Variants in MAST4 observed in about 807,000 individuals in gnomAD.
MAST4 encodes microtubule-associated serine/threonine-protein kinase 4.
MAST4 carries 89 observed loss-of-function variants against 162.7 expected under a neutral mutation model. The observed-to-expected ratio is 0.55, with a 90% CI of 0.46 to 0.65. MAST4 has a LOEUF of 0.65. Among genes scored for constraint, MAST4 ranks in the 30% least tolerant of loss-of-function variants. The pLI, the probability that MAST4 is intolerant of heterozygous loss-of-function variation, is 0.00. For missense variants in MAST4, 3,153 were observed against 3,374.0 expected (o/e 0.93, Z 1.62); for synonymous variants, 1,479 against 1,361.1 (o/e 1.09, Z -1.91).
At chr5:66,729,820 A>G (rs572065277) in intron 1 of MAST4, among the ~76,000 whole-genome samples, 6 of 152,328 alleles carry the variant, frequency 3.9e-5, no homozygotes, top group Admixed American at 1.3e-4. Context: ...TAGGTAACAG[A>G]ACTTATTTAA....
intron 1 of MAST4, among the ~76,000 whole-genome samples, chr5:66,684,355 C>G (rs2149488178): frequency 2.2e-5 from 1 of 45,414 alleles, no homozygotes; most frequent in African/African-American, 2.7e-4. Flanking sequence ...TTTCTTCCAG[C>G]TATTTTTTTT....
intron 24 of MAST4, 63 bp downstream of exon 24, chr5:67,149,652 C>T: frequency 1.3e-6 from 2 of 1,506,500 alleles, no homozygotes; most frequent in Non-Finnish European, 1.8e-6. Flanking sequence ...CCCTCCTCTC[C>T]CAATTTGGAA....
chr5:66,754,392 A>G (rs927907412), intron 1 of MAST4, among the ~76,000 whole-genome samples: 1 of 152,260 alleles, frequency 6.6e-6, no homozygotes, highest in Non-Finnish European at 1.5e-5. Flanking sequence ...GTGGTTTGCC[A>G]TAACCTAAGG....
chr5:66,827,378 TG>T (rs1316666915), intron 3 of MAST4, among the ~76,000 whole-genome samples: 1 of 152,176 alleles, frequency 6.6e-6, no homozygotes, highest in Admixed American at 6.5e-5. Context: ...CCTTCTCTGC[TG>T]GGGTGGCATT....
At chr5:66,615,007 G>T (rs1477907513) in intron 1 of MAST4, among the ~76,000 whole-genome samples, 1 of 152,178 alleles carries the variant, frequency 6.6e-6, no homozygotes, top group Admixed American at 6.5e-5. Flanking sequence ...CAGGAACCAG[G>T]ACCCTTGTAA....
At chr5:66,958,121 T>TTGTG (rs144078491) in intron 4 of MAST4, among the ~76,000 whole-genome samples, 1 of 151,628 alleles carries the variant, frequency 6.6e-6, no homozygotes, top group Non-Finnish European at 1.5e-5. Flanking sequence ...CTCTCTCTCT[T>TTGTG]TGTGTGTGTG....
At chr5:66,952,662 CA>C (rs1245435120) in intron 4 of MAST4, among the ~76,000 whole-genome samples, 1 of 152,174 alleles carries the variant, frequency 6.6e-6, no homozygotes, top group African/African-American at 2.4e-5. Flanking sequence ...AAGATTTGTT[CA>C]ATGACTTCAT....
intron 14 of MAST4, among the ~76,000 whole-genome samples, chr5:67,122,794 T>C (rs773459595): frequency 5.6e-4 from 85 of 152,176 alleles, no homozygotes; most frequent in Non-Finnish European, 1.0e-3. Flanking sequence ...TAAACCACTG[T>C]ATAGTAGATG....
chr5:67,045,477 T>C (rs999987585), intron 4 of MAST4, among the ~76,000 whole-genome samples: 1 of 152,186 alleles, frequency 6.6e-6, no homozygotes, highest in Non-Finnish European at 1.5e-5. Context: ...CAGGAGAAAT[T>C]AGTTGTTAAA....
In MAST4 at chr5:66,639,927, G is replaced by A. The variant is rs545538741; in HGVS notation, c.363+42909G>A. On this transcript the variant is annotated intron_variant, in intron 1 of 28. Transcript: ENST00000403625. ...AATTGATATATCTATCATCTCACAT[G>A]GTTACCTTTTTTGTGTGTGGTAAGA... 2.0e-5 allele frequency among the ~76,000 whole-genome samples: 3 copies of A among 152,090 alleles called. No individual in the cohort carries two copies. In the East Asian group the frequency reaches 5.8e-4, roughly 29 times the overall value.
At chr5:67,072,673 A>C (rs1761125683) in intron 5 of MAST4, among the ~76,000 whole-genome samples, 1 of 152,234 alleles carries the variant, frequency 6.6e-6, no homozygotes, top group Non-Finnish European at 1.5e-5. Flanking sequence ...GGTTGTATAC[A>C]AGATGGATAT....
chr5:66,759,271 A>C (rs936522008), intron 1 of MAST4, among the ~76,000 whole-genome samples: 3 of 152,214 alleles, frequency 2.0e-5, no homozygotes, highest in Admixed American at 6.5e-5. Context: ...ACAATCTTCA[A>C]TTTTGGGGGA....
At chr5:66,875,257 AG>A (rs1253233674) in intron 3 of MAST4, among the ~76,000 whole-genome samples, 1 of 152,164 alleles carries the variant, frequency 6.6e-6, no homozygotes, top group African/African-American at 2.4e-5. Context: ...TTATTCTGGG[AG>A]TATTTTAGTC....
At chr5:66,865,281 T>C (rs1456795401) in intron 3 of MAST4, among the ~76,000 whole-genome samples, 1 of 152,236 alleles carries the variant, frequency 6.6e-6, no homozygotes, top group African/African-American at 2.4e-5. Context: ...CATCACACTC[T>C]ACCACTGCTG....
chr5:66,836,183 A>G (rs1757956542), intron 3 of MAST4, among the ~76,000 whole-genome samples: 1 of 148,982 alleles, frequency 6.7e-6, no homozygotes, highest in South Asian at 2.1e-4. Flanking sequence ...AAAAAAAAAA[A>G]TCATGCTTTT....
At chr5:66,860,397 T>C (rs1018480549) in intron 3 of MAST4, among the ~76,000 whole-genome samples, 13 of 152,196 alleles carry the variant, frequency 8.5e-5, no homozygotes, top group African/African-American at 3.1e-4. Context: ...TAAAAAATGC[T>C]ATCCTGGCAT....
At chr5:66,669,150 A>G (rs1001153691) in intron 1 of MAST4, among the ~76,000 whole-genome samples, 1 of 152,208 alleles carries the variant, frequency 6.6e-6, no homozygotes, top group Non-Finnish European at 1.5e-5. Context: ...CTCCTCCACC[A>G]TCTACCACAT....
intron 1 of MAST4, among the ~76,000 whole-genome samples, chr5:66,606,126 C>G (rs1327227989): frequency 1.3e-5 from 2 of 152,100 alleles, no homozygotes; most frequent in East Asian, 3.8e-4. Flanking sequence ...TTCTTCTTCT[C>G]TATCTATAGT....
At chr5:66,849,693 A>G (rs1055851093) in intron 3 of MAST4, among the ~76,000 whole-genome samples, 1 of 152,136 alleles carries the variant, frequency 6.6e-6, no homozygotes, top group African/African-American at 2.4e-5. Context: ...TAAACTTCTT[A>G]AGATCAAGAA....
Sources: gnomAD v4.1 joint callset for allele counts (sites outside exome capture counted in the v4.1 genomes callset) on GRCh38, gnomAD v4.1.1 for gene constraint, MANE v1.5 for transcripts, NCBI Gene and HGNC (gene_info 2026-07-23, HGNC 2026-07-21) for gene names.